The following ADAMTS14 variants were observed in gnomAD, a reference collection of about 807,000 sequenced individuals.
ADAMTS14 encodes the protein A disintegrin and metalloproteinase with thrombospondin motifs 14.
A neutral mutation model predicts 128.6 loss-of-function variants in ADAMTS14; 100 were observed. The ratio of observed to expected loss-of-function variants is 0.78; its 90% CI spans 0.66 to 0.92. The LOEUF (loss-of-function observed/expected upper bound fraction) is 0.92, where lower values mean the gene tolerates loss of function less well. ADAMTS14 is among the 40% of genes least tolerant of loss of function. The pLI is 0.00. For missense variants in ADAMTS14, 1,562 were observed against 1,658.6 expected (o/e 0.94, Z 1.01); for synonymous variants, 665 against 653.8 (o/e 1.02, Z -0.26).
intron 2 of ADAMTS14, among the ~76,000 whole-genome samples, chr10:70,701,077 C>T (rs776494465): frequency 3.3e-5 from 5 of 152,166 alleles, no homozygotes; most frequent in Non-Finnish European, 5.9e-5. Flanking sequence ...TGGTTTGGCT[C>T]CAAAATGATG....
At chr10:70,727,817 C>T (rs10999491) in intron 4 of ADAMTS14, among the ~76,000 whole-genome samples, 23,333 of 152,088 alleles carry the variant, frequency 0.15, 2,142 homozygotes, top group Non-Finnish European at 0.22. Context: ...TGGCCTCGGC[C>T]GGGCGCGGTG....
chr10:70,683,110 CCGCTGTGGCA>C (rs1238525795), intron 2 of ADAMTS14, among the ~76,000 whole-genome samples: 1 of 152,252 alleles, frequency 6.6e-6, no homozygotes, highest in African/African-American at 2.4e-5. Flanking sequence ...CCCTGCAGGC[CCGCTGTGGCA>C]CGCTGTCCCT....
At chr10:70,731,711 G>A (rs1841643924) in intron 6 of ADAMTS14, among the ~76,000 whole-genome samples, 1 of 152,076 alleles carries the variant, frequency 6.6e-6, no homozygotes, top group Non-Finnish European at 1.5e-5. Context: ...CCTTCCTCCA[G>A]CTCCCCCGCT....
At chr10:70,757,012 C>T (rs1842492122) in intron 19 of ADAMTS14, among the ~76,000 whole-genome samples, 4 of 152,004 alleles carry the variant, frequency 2.6e-5, no homozygotes, top group South Asian at 2.1e-4. Context: ...TTCTGTGTGG[C>T]CCCATGACCC....
intron 15 of ADAMTS14, among the ~76,000 whole-genome samples, chr10:70,749,317 G>T (rs1040719200): frequency 2.0e-5 from 3 of 152,170 alleles, no homozygotes; most frequent in Non-Finnish European, 4.4e-5. Context: ...TGCGAACTGG[G>T]TACAATGATC....
At position 70,760,892 on chromosome 10, in the gene ADAMTS14, T is replaced by A; in HGVS notation, c.*39T>A. The A allele has an allele frequency of 6.6e-7, 1 of 1,520,434 alleles. No homozygotes were observed. The highest frequency in any genetic ancestry group is 8.8e-7 in the Non-Finnish European group (1 of 1,133,202). The allele number at this position is 1,520,434 out of a possible 1,614,324, so 94.2% of individuals were successfully genotyped here. On this transcript the variant is annotated 3_prime_UTR_variant, in exon 22 of 22. Coordinates refer to ENST00000373207, the MANE Select transcript of ADAMTS14 (RefSeq NM_080722.4). ...ATCCCACTGGCACGTTTACACTCTG[T>A]GTACTGCCCCGTGACTCCCAGCTCA...
chr10:70,727,132 C>T (rs544620820), intron 4 of ADAMTS14, among the ~76,000 whole-genome samples: 28 of 152,318 alleles, frequency 1.8e-4, no homozygotes, highest in Admixed American at 7.2e-4. Context: ...CTGGGCACTG[C>T]GGAAAGTGGC....
intron 4 of ADAMTS14, among the ~76,000 whole-genome samples, chr10:70,725,808 C>T (rs1182385160): frequency 2.0e-5 from 3 of 152,290 alleles, no homozygotes; most frequent in East Asian, 3.9e-4. Context: ...GGTGGCCCCA[C>T]GTGGCTCATG....
At chr10:70,733,797 G>T (rs566766455) in intron 7 of ADAMTS14, 88 bp from the exon 8 acceptor site, 18 of 1,518,304 alleles carry the variant, frequency 1.2e-5, no homozygotes, top group East Asian at 2.3e-5. Context: ...TCAGGTCAGG[G>T]TCTCCTGCTG....
At chr10:70,722,679 G>T (rs1032527405) in intron 4 of ADAMTS14, among the ~76,000 whole-genome samples, 2 of 152,172 alleles carry the variant, frequency 1.3e-5, no homozygotes, top group African/African-American at 4.8e-5. Flanking sequence ...AACCATGGGG[G>T]TGTGTTTACA....
At chr10:70,757,252 C>T (rs757920661) in intron 19 of ADAMTS14, among the ~76,000 whole-genome samples, 4 of 152,172 alleles carry the variant, frequency 2.6e-5, no homozygotes, top group East Asian at 3.9e-4. Flanking sequence ...CCCCTGCAAA[C>T]GGTGGTCCTC....
rs370358418 is a variant in ADAMTS14, at chr10:70,741,106, C to T, written c.1868C>T (p.Ser623Phe). 43 of 1,613,844 alleles carry T rather than the reference C, an allele frequency of 2.7e-5. No individual in the cohort carries two copies. The African/African-American group carries it at 3.9e-4, about 15-fold the overall frequency. Residue 623 changes from serine (S) to phenylalanine (F), a missense_variant, in exon 12 of 22, where the codon TCC (serine) becomes TTC (phenylalanine). Coordinates refer to ENST00000373207, the MANE Select transcript of ADAMTS14 (RefSeq NM_080722.4). The stretch of plus-strand genomic sequence containing the variant: ...GCCCAGCAGTGTGCCAAGCGCAACT[C>T]CTACTATGTGCACCAGAATGCCAAG... ...FRAQQCAKRNSYYVHQNAKHS... is the reference protein window; with the variant it reads ...FRAQQCAKRNFYYVHQNAKHS...
At chr10:70,728,400 T>C (rs1464187114) in intron 4 of ADAMTS14, among the ~76,000 whole-genome samples, 1 of 152,248 alleles carries the variant, frequency 6.6e-6, no homozygotes. Flanking sequence ...TCAGTTTTTA[T>C]TTCTAGTGAG....
chr10:70,757,450 T>C (rs2791189), intron 19 of ADAMTS14, among the ~76,000 whole-genome samples: 63,555 of 151,914 alleles, frequency 0.42, 13,524 homozygotes, highest in East Asian at 0.51. Context: ...AGTAAGACAC[T>C]GAACCAGGGG....
intron 2 of ADAMTS14, among the ~76,000 whole-genome samples, chr10:70,688,902 G>C (rs528269305): frequency 2.8e-5 from 2 of 71,758 alleles, no homozygotes; most frequent in Non-Finnish European, 4.8e-5. Flanking sequence ...GGAGGGAGAG[G>C]GAGAGCCTTT....
At chr10:70,733,007 G>A (rs1841698498) in intron 7 of ADAMTS14, among the ~76,000 whole-genome samples, 1 of 152,198 alleles carries the variant, frequency 6.6e-6, no homozygotes, top group Admixed American at 6.5e-5. Context: ...CATGCTGGGT[G>A]GACACAAATG....
intron 2 of ADAMTS14, among the ~76,000 whole-genome samples, chr10:70,679,336 G>A (rs1030622856): frequency 4.2e-4 from 64 of 152,144 alleles, no homozygotes; most frequent in African/African-American, 1.4e-3. Flanking sequence ...TTCCTCTGGG[G>A]TTGTGGGCAG....
chr10:70,704,553 T>C (rs1365483142), intron 3 of ADAMTS14, among the ~76,000 whole-genome samples: 23 of 110,768 alleles, frequency 2.1e-4, no homozygotes, highest in South Asian at 9.4e-4. Flanking sequence ...ACACACACCA[T>C]CTATACCCTC....
chr10:70,760,392 T>C lies in ADAMTS14; in HGVS notation c.3211T>C (p.Cys1071Arg). The C allele has an allele frequency of 1.3e-6, 2 of 1,599,506 alleles. No individual in the cohort carries two copies. The highest frequency in any genetic ancestry group is 1.7e-6 in the Non-Finnish European group (2 of 1,172,688). ...EPCTGDRSVF[C>R]QMEVLDRYCS... ...CTGCACGGGAGACAGGTCTGTCTTCTGCCAGATGGAAGTGCTCGATCGCTA... is the reference window on the plus strand; with the variant it reads ...CTGCACGGGAGACAGGTCTGTCTTCCGCCAGATGGAAGTGCTCGATCGCTA... The change falls in exon 22 of 22, where the codon TGC (cysteine) becomes CGC (arginine). Residue 1071 changes from cysteine to arginine, a missense_variant. Coordinates refer to ENST00000373207, the MANE Select transcript of ADAMTS14 (RefSeq NM_080722.4).
Sources: gnomAD v4.1 joint callset for allele counts (sites outside exome capture counted in the v4.1 genomes callset) on GRCh38, gnomAD v4.1.1 for gene constraint, MANE v1.5 for transcripts, NCBI Gene and HGNC (gene_info 2026-07-23, HGNC 2026-07-21) for gene names.